The following PKD1L3 variants were observed in gnomAD, a reference collection of about 807,000 sequenced individuals.
The protein encoded by PKD1L3 is polycystin-1-like protein 3.
PKD1L3 carries 239 observed loss-of-function variants against 184.1 expected under a neutral mutation model. That is an observed-to-expected ratio of 1.30 (90% CI 1.17 to 1.45). The LOEUF is 1.45. PKD1L3 is among the 40% of genes most tolerant of loss of function. PKD1L3 has a pLI of 0.00. For synonymous variants in PKD1L3, 996 were observed against 778.8 expected, an observed-to-expected ratio of 1.28 and a Z score of -4.64; for missense variants, 2,660 against 2,067.2, an observed-to-expected ratio of 1.29 and a Z score of -5.56.
chr16:71,935,588 G>C, intron 25 of PKD1L3, 70 bp from the exon 26 acceptor site: 1 of 1,429,734 alleles, frequency 7.0e-7, no homozygotes, highest in South Asian at 1.3e-5. Flanking sequence ...GCTCAAGTGT[G>C]ATGAACGCAG....
rs1234714892 is a variant in PKD1L3 at position 71,982,140 on chromosome 16, A to T, written c.1062T>A (p.Thr354=). 4 of 1,552,060 alleles carry T rather than the reference A, an allele frequency of 2.6e-6. No individual in the cohort carries two copies. In the Admixed American group the frequency reaches 5.9e-5, roughly 23 times the overall value. The change falls in exon 7 of 30, where the codon ACT becomes ACA. Residue 354 remains threonine, a synonymous_variant. Transcript: ENST00000620267. ...TGTTGAGGGAATGAAAGGGGCAGAC[A>T]GTTGGAGGAACTTTGAAGCCCAGAC... ...NNSLGFKVPP[T]VCPFHSLNNV...
chr16:71,984,015 T>C, intron 6 of PKD1L3, 21 bp downstream of exon 6: 6 of 1,550,828 alleles, frequency 3.9e-6, no homozygotes, highest in Non-Finnish European at 5.2e-6. Context: ...CCTTCTTCCC[T>C]CCCAGTCACC....
At chr16:71,930,250 T>A (rs1454613911) in intron 28 of PKD1L3, 67 bp from the exon 29 acceptor site, 1 of 1,405,814 alleles carries the variant, frequency 7.1e-7, no homozygotes, top group Non-Finnish European at 9.4e-7. Flanking sequence ...ACATAAGCTA[T>A]ATGCTAGTGT....
At chr16:71,929,834 G>T in intron 29 of PKD1L3, 156 bp from the exon 30 acceptor site, 1 of 945,430 alleles carries the variant, frequency 1.1e-6, no homozygotes, top group Non-Finnish European at 1.5e-6. Context: ...TTCCACTAAT[G>T]GTTGCGAGCC....
At chr16:71,973,098 G>A (rs1451354811) in intron 12 of PKD1L3, among the ~76,000 whole-genome samples, 1 of 152,210 alleles carries the variant, frequency 6.6e-6, no homozygotes, top group Non-Finnish European at 1.5e-5. Context: ...GACTGTGTTT[G>A]AGAAAGAAAT....
At chr16:71,966,176 C>T (rs1418408796) in intron 15 of PKD1L3, among the ~76,000 whole-genome samples, 1 of 152,076 alleles carries the variant, frequency 6.6e-6, no homozygotes, top group Non-Finnish European at 1.5e-5. Context: ...AGTGCCTGAG[C>T]CTTAAGACTT....
intron 17 of PKD1L3, among the ~76,000 whole-genome samples, chr16:71,953,349 G>C (rs1284484368): frequency 6.6e-6 from 1 of 152,152 alleles, no homozygotes; most frequent in Non-Finnish European, 1.5e-5. Flanking sequence ...GTATTAGTCT[G>C]TTTTCACACT....
rs1392386806 is a variant in PKD1L3, at chr16:71,942,573, A to ACTGACC, written c.4310_4311insGGTCAG (p.Phe1436_Ser1437insArgVal). 21 of 1,551,298 alleles carry ACTGACC rather than the reference A, an allele frequency of 1.4e-5. No individual in the cohort carries two copies. Among genetic ancestry groups the ACTGACC allele is most frequent in the Non-Finnish European group, 1.8e-5 (21 of 1,146,824 alleles). ...CACTCCAGTTACCTCTCATGATGTA[A>ACTGACC]CTGAATCCATTCTCATTCTTGCTTG... On this transcript the variant is annotated inframe_insertion, in exon 24 of 30. Coordinates refer to ENST00000620267, the MANE Select transcript of PKD1L3 (RefSeq NM_181536.2).
chr16:71,976,205 C>T (rs2039913918), intron 11 of PKD1L3, among the ~76,000 whole-genome samples: 2 of 148,590 alleles, frequency 1.3e-5, no homozygotes, highest in African/African-American at 4.9e-5. Flanking sequence ...GCCTCTGCCT[C>T]CCAAAGTGCT....
Position 71,984,036 on chromosome 16 carries a change from C to G in PKD1L3, c.966G>C (p.Gln322His), listed in dbSNP as rs1044239630. The G allele has an allele frequency of 7.7e-6, 12 of 1,551,852 alleles. No homozygotes were observed. In the South Asian group the frequency reaches 1.2e-4, roughly 15 times the overall value. ...ALTPRFSKPA[Q>H]VNLINSLIYL... ...TCCCTCCCAGTCACCCTCCACTTAC[C>G]TGAGCTGGCTTAGAAAATCTTGGGG... Residue 322 changes from glutamine to histidine, a missense_variant and splice_region_variant, in exon 6 of 30, where the codon CAG becomes CAC. Coordinates refer to ENST00000620267, the MANE Select transcript of PKD1L3 (RefSeq NM_181536.2).
intron 13 of PKD1L3, among the ~76,000 whole-genome samples, chr16:71,969,085 C>T (rs2039610867): frequency 6.6e-6 from 1 of 151,816 alleles, no homozygotes; most frequent in African/African-American, 2.4e-5. Context: ...CACATGCCAC[C>T]ATGCCTGGCT....
intron 15 of PKD1L3, among the ~76,000 whole-genome samples, chr16:71,964,365 G>GTTTTTTTTT (rs2039411884): frequency 1.1e-5 from 1 of 91,472 alleles, no homozygotes; most frequent in African/African-American, 4.5e-5. Context: ...TTGAGACAGA[G>GTTTTTTTTT]TTTCACTCTC....
intron 24 of PKD1L3, among the ~76,000 whole-genome samples, chr16:71,941,015 T>TG (rs1460555960): frequency 4.6e-5 from 7 of 151,984 alleles, no homozygotes; most frequent in African/African-American, 1.7e-4. Flanking sequence ...TTTGTATTTT[T>TG]GGTAGAGACG....
intron 18 of PKD1L3, among the ~76,000 whole-genome samples, chr16:71,952,461 C>T (rs1204746228): frequency 6.6e-6 from 1 of 150,680 alleles, no homozygotes; most frequent in Non-Finnish European, 1.5e-5. Flanking sequence ...CCTCGTGATC[C>T]GCCTGCCTCG....
chr16:71,976,168 A>G (rs935108760), intron 11 of PKD1L3, among the ~76,000 whole-genome samples: 25 of 151,412 alleles, frequency 1.7e-4, no homozygotes, highest in African/African-American at 5.8e-4. Flanking sequence ...GCGTAGTCTT[A>G]AACTCCTGAC....
intron 16 of PKD1L3, among the ~76,000 whole-genome samples, chr16:71,960,838 G>A (rs1179844806): frequency 1.3e-5 from 2 of 152,162 alleles, no homozygotes; most frequent in Non-Finnish European, 2.9e-5. Flanking sequence ...TGGGAGGACT[G>A]CTTGAGCCTA....
chr16:71,956,801 G>A lies in PKD1L3; in HGVS notation c.2613-2500C>T, dbSNP rs148584082. Among the ~76,000 whole-genome samples, 115 of 152,114 alleles carry A rather than the reference G, an allele frequency of 7.6e-4. 1 individual carries two copies. Among genetic ancestry groups the A allele is most frequent in the African/African-American group, 2.6e-3 (106 of 41,480 alleles). ...CTACACACTTAAAAATGGTGAAGAT[G>A]GTAAATGTTATGTGTTTTTACCGTA... On this transcript the variant is annotated intron_variant, in intron 16 of 29. Transcript: ENST00000620267.
At chr16:71,937,508 TC>T (rs1227909873) in intron 24 of PKD1L3, 89 bp from the exon 25 acceptor site, 7 of 1,381,412 alleles carry the variant, frequency 5.1e-6, no homozygotes, top group Non-Finnish European at 6.8e-6. Context: ...CCCCAACTCT[TC>T]CTGTATCATC....
intron 24 of PKD1L3, 118 bp from the exon 25 acceptor site, chr16:71,937,537 A>G (rs2038222779): frequency 9.0e-7 from 1 of 1,114,638 alleles, no homozygotes; most frequent in Admixed American, 2.6e-5. Context: ...TCTGAGTCTC[A>G]GTGCTCCACT....
Sources: allele counts gnomAD v4.1 joint callset (sites outside exome capture counted in the v4.1 genomes callset), GRCh38; gene constraint gnomAD v4.1.1; transcripts MANE v1.5; gene names NCBI Gene and HGNC (gene_info 2026-07-23, HGNC 2026-07-21).